Variants in CNTN4 observed in about 807,000 individuals in gnomAD.
CNTN4 encodes the protein contactin-4.
In CNTN4, 77 loss-of-function variants were observed where a neutral mutation model predicts 122.5. The observed-to-expected ratio is 0.63, with a 90% CI of 0.52 to 0.76. The LOEUF (loss-of-function observed/expected upper bound fraction) is 0.76, where lower values mean the gene tolerates loss of function less well. Among genes scored for constraint, CNTN4 ranks in the 30% least tolerant of loss-of-function variants. The probability of loss-of-function intolerance (pLI) is 0.00; values close to 1 mark genes in which losing one functional copy is unlikely to be tolerated. For synonymous variants in CNTN4, 512 were observed against 447.0 expected (o/e 1.15, Z -1.83); for missense variants, 1,256 against 1,259.1 (o/e 1.00, Z 0.04).
At chr3:3,033,319 C>G (rs1302273175) in intron 16 of CNTN4, among the ~76,000 whole-genome samples, 2 of 152,170 alleles carry the variant, frequency 1.3e-5, no homozygotes, top group Non-Finnish European at 2.9e-5. Flanking sequence ...TTCCAGCATA[C>G]AGATTTCCAG....
intron 2 of CNTN4, among the ~76,000 whole-genome samples, chr3:2,123,091 T>C (rs1313659871): frequency 6.6e-6 from 1 of 152,190 alleles, no homozygotes; most frequent in African/African-American, 2.4e-5. Flanking sequence ...AGTGATAACC[T>C]AGCTGATCTT....
intron 3 of CNTN4, chr3:2,362,639 T>A: frequency 2.2e-6 from 1 of 449,950 alleles, no homozygotes; most frequent in Non-Finnish European, 4.3e-6. Context: ...GCCTAGGAGA[T>A]GGATACCAAC....
rs141888475 is a variant in CNTN4, at chr3:2,997,855, T to C, written c.1486+9383T>C. 7.7e-3 allele frequency among the ~76,000 whole-genome samples: 1,166 copies of C among 152,310 alleles called. 8 individuals are homozygous for C. Among genetic ancestry groups the C allele is most frequent in the African/African-American group, 0.027 (1,108 of 41,574 alleles). ...GGCCTTCTAGCAGGTCTATAATCAG[T>C]GTGCAAAAGTGCAAGACATAATTAA... is the stretch of plus-strand genomic sequence containing the variant. On this transcript the variant is annotated intron_variant, in intron 14 of 24. Transcript: ENST00000418658.
At chr3:2,157,132 T>C (rs2035756305) in intron 2 of CNTN4, among the ~76,000 whole-genome samples, 1 of 152,234 alleles carries the variant, frequency 6.6e-6, no homozygotes, top group Admixed American at 6.5e-5. Flanking sequence ...GTTCTGAAAT[T>C]TCTGTCTTAC....
At chr3:2,856,178 C>T (rs781598333) in intron 7 of CNTN4, among the ~76,000 whole-genome samples, 9 of 152,174 alleles carry the variant, frequency 5.9e-5, no homozygotes, top group East Asian at 5.8e-4. Flanking sequence ...GTTCTCTGGC[C>T]ATATGTATTC....
At chr3:2,975,805 G>C (rs1322757439) in intron 13 of CNTN4, among the ~76,000 whole-genome samples, 1 of 151,590 alleles carries the variant, frequency 6.6e-6, no homozygotes, top group East Asian at 1.9e-4. Context: ...ATGATGCTTT[G>C]GTAAAAGTAT....
chr3:2,214,299 C>T lies in CNTN4; in HGVS notation c.-145+113660C>T, dbSNP rs964924303. Among the ~76,000 whole-genome samples the T allele has an allele frequency of 2.6e-5, 4 of 152,026 alleles. No individual in the cohort carries two copies. The East Asian group carries it at 5.8e-4, about 22-fold the overall frequency. ...TACATCCTCAAACAGGTTAGCACTT[C>T]GGAGCAGTGGGGGGTTTGTCTCTCA... On this transcript the variant is annotated intron_variant, in intron 2 of 24. Transcript: ENST00000418658.
At chr3:2,105,602 G>A (rs2032375992) in intron 2 of CNTN4, among the ~76,000 whole-genome samples, 1 of 152,118 alleles carries the variant, frequency 6.6e-6, no homozygotes, top group Non-Finnish European at 1.5e-5. Flanking sequence ...CAGCATGGGG[G>A]AAACTGCTTC....
At chr3:2,895,893 C>T (rs541084049) in intron 10 of CNTN4, among the ~76,000 whole-genome samples, 144 of 152,224 alleles carry the variant, frequency 9.5e-4, no homozygotes, top group African/African-American at 3.2e-3. Context: ...ATTAGCCGAG[C>T]GTGGTGGCGG....
chr3:2,683,327 T>TACAC (rs10601751), intron 4 of CNTN4, among the ~76,000 whole-genome samples: 32 of 149,382 alleles, frequency 2.1e-4, no homozygotes, highest in African/African-American at 4.4e-4. Flanking sequence ...TGCACACATG[T>TACAC]ACACACACAC....
At chr3:2,176,396 A>G (rs372635525) in intron 2 of CNTN4, among the ~76,000 whole-genome samples, 4 of 152,138 alleles carry the variant, frequency 2.6e-5, no homozygotes, top group East Asian at 3.8e-4. Context: ...TACATACCTA[A>G]GATTAGCTTT....
At chr3:2,807,965 C>T (rs1185433887) in intron 6 of CNTN4, among the ~76,000 whole-genome samples, 1 of 152,134 alleles carries the variant, frequency 6.6e-6, no homozygotes, top group Non-Finnish European at 1.5e-5. Flanking sequence ...GATCTAGTTT[C>T]ATTTGCGAGT....
rs114344458 is a variant in CNTN4 at position 2,394,390 on chromosome 3, C to A, written c.-89+55157C>A. ...CTTATGTGGAAAATCTCCTTTTGAT[C>A]TACTGCTAACCCAAAGTCTCCTTTA... is the stretch of plus-strand genomic sequence containing the variant. On this transcript the variant is annotated intron_variant, in intron 3 of 24. Transcript: ENST00000418658. Among the ~76,000 whole-genome samples, 308 of 152,224 alleles carry A rather than the reference C, an allele frequency of 2.0e-3. 1 individual carries two copies. The highest frequency in any genetic ancestry group is 7.3e-3 in the African/African-American group (302 of 41,530).
intron 2 of CNTN4, among the ~76,000 whole-genome samples, chr3:2,228,043 T>C (rs1176145333): frequency 3.4e-5 from 5 of 148,186 alleles, no homozygotes. Context: ...TTTCCAAAGA[T>C]TACTAACAGA....
At chr3:2,838,629 C>T (rs897124572) in intron 7 of CNTN4, among the ~76,000 whole-genome samples, 1 of 151,518 alleles carries the variant, frequency 6.6e-6, no homozygotes, top group Non-Finnish European at 1.5e-5. Context: ...TTATGCATGG[C>T]TCTGGTAAGC....
At chr3:2,890,589 T>C (rs1305937492) in intron 10 of CNTN4, among the ~76,000 whole-genome samples, 1 of 152,192 alleles carries the variant, frequency 6.6e-6, no homozygotes, top group Non-Finnish European at 1.5e-5. Context: ...ATGGCAATTT[T>C]TTTCCTTCTT....
intron 3 of CNTN4, among the ~76,000 whole-genome samples, chr3:2,411,096 G>A (rs1308949976): frequency 2.0e-5 from 3 of 152,160 alleles, no homozygotes; most frequent in Non-Finnish European, 4.4e-5. Context: ...AAACTGACAT[G>A]CATTTTTCTC....
At chr3:2,896,952 TATCACATCCTTTC>T (rs2094121906) in intron 10 of CNTN4, among the ~76,000 whole-genome samples, 2 of 145,670 alleles carry the variant, frequency 1.4e-5, no homozygotes, top group African/African-American at 5.2e-5. Flanking sequence ...TTTTTTTTGC[TATCACATCCTTTC>T]TTTTATATTT....
chr3:2,905,828 A>T (rs1203078917), intron 12 of CNTN4, among the ~76,000 whole-genome samples: 1 of 152,234 alleles, frequency 6.6e-6, no homozygotes, highest in Admixed American at 6.5e-5. Context: ...GACAAACACA[A>T]AGAATAGTCC....
Sources: allele counts gnomAD v4.1 joint callset (sites outside exome capture counted in the v4.1 genomes callset), GRCh38; gene constraint gnomAD v4.1.1; transcripts MANE v1.5; gene names NCBI Gene and HGNC (gene_info 2026-07-23, HGNC 2026-07-21).